The following NLK variants were observed in gnomAD, a reference collection of about 807,000 sequenced individuals.
NLK encodes the protein nemo like kinase.
Under a neutral mutation model 59.0 loss-of-function variants are expected in NLK, and 11 were observed. That is an observed-to-expected ratio of 0.19 (90% confidence interval 0.12 to 0.31). The LOEUF (loss-of-function observed/expected upper bound fraction) is 0.31, where lower values mean the gene tolerates loss of function less well. Among genes scored for constraint, NLK ranks in the 10% least tolerant of loss-of-function variants. NLK has a pLI of 1.00. For missense variants in NLK, 410 were observed against 661.1 expected, an observed-to-expected ratio of 0.62 and a Z score of 4.16; for synonymous variants, 235 against 235.9, an observed-to-expected ratio of 1.00 and a Z score of 0.03.
chr17:28,193,344 G>A (rs1008111579), intron 10 of NLK, among the ~76,000 whole-genome samples: 3 of 152,214 alleles, frequency 2.0e-5, no homozygotes, highest in Non-Finnish European at 2.9e-5. Context: ...CGAGGGTGGT[G>A]CAGAAGAGGA....
At chr17:28,099,602 T>C (rs1904830750) in intron 1 of NLK, among the ~76,000 whole-genome samples, 1 of 143,674 alleles carries the variant, frequency 7.0e-6, no homozygotes, top group African/African-American at 2.7e-5. Context: ...GACGGAGTCT[T>C]GCTCTGTCGC....
intron 1 of NLK, among the ~76,000 whole-genome samples, chr17:28,109,103 G>A (rs1176412152): frequency 6.6e-6 from 1 of 151,992 alleles, no homozygotes; most frequent in African/African-American, 2.4e-5. Context: ...CCTGGGAGGC[G>A]GAGCTTGCAG....
At chr17:28,060,694 T>C (rs1445430163) in intron 1 of NLK, among the ~76,000 whole-genome samples, 1 of 152,242 alleles carries the variant, frequency 6.6e-6, no homozygotes, top group Non-Finnish European at 1.5e-5. Context: ...GATTTCACTT[T>C]CGTTAATAAA....
At chr17:28,093,663 G>A (rs1466234817) in intron 1 of NLK, among the ~76,000 whole-genome samples, 1 of 152,180 alleles carries the variant, frequency 6.6e-6, no homozygotes, top group African/African-American at 2.4e-5. Context: ...TCTTAGGACG[G>A]AAGCAATCTG....
chr17:28,141,484 G>C lies in NLK; in HGVS notation c.644+8809G>C, dbSNP rs117094412. 5.7e-3 allele frequency among the ~76,000 whole-genome samples: 872 copies of C among 152,306 alleles called. 5 individuals are homozygous for C. The highest frequency in any genetic ancestry group is 9.2e-3 in the Non-Finnish European group (626 of 68,020). On this transcript the variant is annotated intron_variant, in intron 3 of 10. Coordinates refer to ENST00000407008, the MANE Select transcript of NLK (RefSeq NM_016231.5). ...GCGGTTGCTTGTAACACTGGTAGCA[G>C]TCTGCTCTCAGGTTTTAATGACATC...
chr17:28,164,299 C>T (rs575050398), intron 5 of NLK, among the ~76,000 whole-genome samples: 5 of 147,924 alleles, frequency 3.4e-5, no homozygotes, highest in South Asian at 2.1e-4. Context: ...GAGCCCAGAG[C>T]GTGAAGGCTG....
rs34891155 is a variant in NLK, at chr17:28,058,283, G to A, written c.458+14952G>A. 6.3e-3 allele frequency among the ~76,000 whole-genome samples: 964 copies of A among 152,282 alleles called. 12 individuals are homozygous for A. Among genetic ancestry groups the A allele is most frequent in the African/African-American group, 0.022 (921 of 41,554 alleles). ...AGGAAAGACATTAAATAGGGACACC[G>A]TAATGTTTAACTGGTATAGGTGCTG... On this transcript the variant is annotated intron_variant, in intron 1 of 10. Coordinates refer to ENST00000407008, the MANE Select transcript of NLK (RefSeq NM_016231.5).
At chr17:28,152,849 G>C (rs905957895) in intron 3 of NLK, among the ~76,000 whole-genome samples, 1 of 152,074 alleles carries the variant, frequency 6.6e-6, no homozygotes, top group Admixed American at 6.5e-5. Context: ...GTCTTGAACT[G>C]CTGAGCTCAA....
At chr17:28,205,413 A>T in the NLK span, among the ~76,000 whole-genome samples, 1 of 152,176 alleles carries the variant, frequency 6.6e-6, no homozygotes, top group African/African-American at 2.4e-5. Context: ...GGTGGTTAAA[A>T]TCTTGGGGGT....
rs111547472 is a variant in NLK at position 28,077,397 on chromosome 17, C to T, written c.458+34066C>T. On this transcript the variant is annotated intron_variant, in intron 1 of 10. Coordinates refer to ENST00000407008, the MANE Select transcript of NLK (RefSeq NM_016231.5). ...ATCTCATGAGACTTATTCACTACCA[C>T]GAGAACAGTATGGGGGAAACTGCCC... Among the ~76,000 whole-genome samples, 6 of 152,146 alleles carry T rather than the reference C, an allele frequency of 3.9e-5. 1 individual carries two copies. Among genetic ancestry groups the T allele is most frequent in the African/African-American group, 1.4e-4 (6 of 41,508 alleles).
intron 1 of NLK, among the ~76,000 whole-genome samples, chr17:28,058,183 G>T (rs1484629014): frequency 6.6e-6 from 1 of 152,180 alleles, no homozygotes; most frequent in Non-Finnish European, 1.5e-5. Context: ...AAGTACATAG[G>T]CAACAGTTAC....
At chr17:28,151,089 C>G (rs909003327) in intron 3 of NLK, among the ~76,000 whole-genome samples, 2 of 152,138 alleles carry the variant, frequency 1.3e-5, no homozygotes, top group Admixed American at 6.5e-5. Context: ...CAGATAGATG[C>G]TGTTCAAGTT....
downstream of NLK, among the ~76,000 whole-genome samples, chr17:28,199,695 C>A (rs146614623): frequency 6.9e-3 from 643 of 93,548 alleles, no homozygotes; most frequent in Middle Eastern, 0.02. Context: ...CAAAACAAAA[C>A]AAAAAAAAAA....
rs1436516129 is a variant in NLK, at chr17:28,114,045, T to C, written c.459-8558T>C. On this transcript the variant is annotated intron_variant, in intron 1 of 10. Transcript: ENST00000407008. ...AAATTATGTTTGTAAGATTTATCTA[T>C]GTTGTTGCATATAGCAGTAGTTCAT... Among the ~76,000 whole-genome samples, 3 of 152,218 alleles carry C rather than the reference T, an allele frequency of 2.0e-5. No homozygotes were observed. In the East Asian group the frequency reaches 5.8e-4, roughly 29 times the overall value.
chr17:28,065,496 T>A (rs143189547), intron 1 of NLK, among the ~76,000 whole-genome samples: 1 of 152,216 alleles, frequency 6.6e-6, no homozygotes, highest in Non-Finnish European at 1.5e-5. Flanking sequence ...CTTTTTGCTT[T>A]ATTAATACCT....
At chr17:28,062,074 T>A (rs1909680543) in intron 1 of NLK, 1 of 151,606 alleles carries the variant, frequency 6.6e-6, no homozygotes. Context: ...CTTAAAAAAA[T>A]GCCATGTACT....
chr17:28,102,959 G>A (rs1055117428), intron 1 of NLK, among the ~76,000 whole-genome samples: 1 of 152,150 alleles, frequency 6.6e-6, no homozygotes, highest in Non-Finnish European at 1.5e-5. Flanking sequence ...TTTGCAGGTG[G>A]CTCTTATGTC....
intron 7 of NLK, among the ~76,000 whole-genome samples, chr17:28,172,863 G>A (rs1467896387): frequency 6.6e-6 from 1 of 152,124 alleles, no homozygotes; most frequent in Non-Finnish European, 1.5e-5. Context: ...CCTTGGCTTT[G>A]TGTCTCCTGA....
At chr17:28,188,427 T>C (rs1909196641) in intron 8 of NLK, among the ~76,000 whole-genome samples, 1 of 152,014 alleles carries the variant, frequency 6.6e-6, no homozygotes, top group Non-Finnish European at 1.5e-5. Flanking sequence ...TAAAGAGAGG[T>C]TTGTTCTGAT....
Sources: gnomAD v4.1 joint callset for allele counts (sites outside exome capture counted in the v4.1 genomes callset) on GRCh38, gnomAD v4.1.1 for gene constraint, MANE v1.5 for transcripts, NCBI Gene and HGNC (gene_info 2026-07-23, HGNC 2026-07-21) for gene names.